The following TNR variants were observed in gnomAD, a reference collection of about 807,000 sequenced individuals.
The protein encoded by TNR is tenascin R, also known as tenascin-R.
In TNR, 45 loss-of-function variants were observed where a neutral mutation model predicts 150.4. That is an observed-to-expected ratio of 0.30 (90% CI 0.24 to 0.38). The LOEUF is 0.38. Among genes scored for constraint, TNR ranks in the 10% least tolerant of loss-of-function variants. The probability of loss-of-function intolerance (pLI) is 1.00; values close to 1 mark genes in which losing one functional copy is unlikely to be tolerated. For missense variants in TNR, 1,544 were observed against 1,759.1 expected (o/e 0.88, Z 2.19); for synonymous variants, 687 against 678.4 (o/e 1.01, Z -0.20).
chr1:175,474,483 G>A (rs986419841), intron 2 of TNR, among the ~76,000 whole-genome samples: 7 of 152,312 alleles, frequency 4.6e-5, no homozygotes, highest in African/African-American at 1.4e-4. Flanking sequence ...CCAGAACAGG[G>A]AGAAAAGACA....
intron 2 of TNR, among the ~76,000 whole-genome samples, chr1:175,436,040 A>T (rs1294912867): frequency 1.3e-5 from 2 of 152,174 alleles, no homozygotes. Flanking sequence ...TTTGTGGGTA[A>T]CCTGACCTTT....
chr1:175,538,516 T>G (rs533050834), intron 1 of TNR, among the ~76,000 whole-genome samples: 186 of 152,272 alleles, frequency 1.2e-3, no homozygotes, highest in Non-Finnish European at 1.7e-3. Context: ...AAATTAAAAT[T>G]CTATCTAAAA....
intron 10 of TNR, 148 bp from the exon 11 acceptor site, chr1:175,366,286 T>A: frequency 1.2e-6 from 1 of 846,206 alleles, no homozygotes; most frequent in Non-Finnish European, 1.7e-6. Context: ...AATATTTTGC[T>A]AAGTACCTTC....
intron 20 of TNR, chr1:175,333,474 G>T (rs1183213453): frequency 2.0e-5 from 3 of 152,090 alleles, no homozygotes; most frequent in Non-Finnish European, 2.9e-5. Flanking sequence ...TTTTCAATTT[G>T]TTTGACTTTT....
In TNR at chr1:175,674,932, T is replaced by C. The variant is rs543800401; in HGVS notation, c.-165+68294A>G. 2.9e-4 allele frequency among the ~76,000 whole-genome samples: 44 copies of C among 152,186 alleles called. No homozygotes were observed. In the South Asian group the frequency reaches 5.0e-3, roughly 17 times the overall value. ...TTACCCGCACAGCTAATTAAGAATG[T>C]GACTAATCTAATTTAGTGGGAGTGC... On this transcript the variant is annotated intron_variant, in intron 1 of 22. Transcript: ENST00000367674.
At chr1:175,660,187 TG>T (rs959611368) in intron 1 of TNR, among the ~76,000 whole-genome samples, 46 of 152,342 alleles carry the variant, frequency 3.0e-4, no homozygotes, top group African/African-American at 1.1e-3. Context: ...AAAGGCTGCA[TG>T]TGACATGAAT....
Position 175,406,495 on chromosome 1 carries a change from G to A in TNR, c.220C>T (p.Pro74Ser), listed in dbSNP as rs1557913651. The A allele has an allele frequency of 2.5e-6, 4 of 1,614,176 alleles. No individual in the cohort carries two copies. Among genetic ancestry groups the A allele is most frequent in the Non-Finnish European group, 3.4e-6 (4 of 1,180,048 alleles). The change falls in exon 3 of 23, where the codon CCC becomes TCC. Residue 74 changes from proline to serine, a missense_variant. Around this residue, in one of 2 missense-constraint regions of TNR, gnomAD observed 1,254 missense variants for 1,329.4 expected, o/e 0.94. Transcript: ENST00000367674. ...CCTGAGGAGCAGAGGTTGTCCAAGG[G>A]CACGTTAATGTTGTACACGTGGTTG... Reference protein sequence around the residue: ...VFNHVYNINVPLDNLCSSGLE... With the variant: ...VFNHVYNINVSLDNLCSSGLE...
intron 2 of TNR, among the ~76,000 whole-genome samples, chr1:175,507,468 C>T (rs562000342): frequency 1.1e-4 from 17 of 152,270 alleles, no homozygotes; most frequent in South Asian, 1.0e-3. Flanking sequence ...CATCACCTGA[C>T]GGAGTCCCAG....
At chr1:175,662,030 C>T (rs1665391766) in intron 1 of TNR, among the ~76,000 whole-genome samples, 1 of 152,070 alleles carries the variant, frequency 6.6e-6, no homozygotes, top group Non-Finnish European at 1.5e-5. Context: ...AAGAGCTTGG[C>T]CTCCTGACAC....
intron 2 of TNR, among the ~76,000 whole-genome samples, chr1:175,488,555 C>T (rs1658109652): frequency 6.6e-6 from 1 of 152,152 alleles, no homozygotes; most frequent in Admixed American, 6.5e-5. Context: ...CCTCAAAGGC[C>T]CTGCACAGTC....
At position 175,371,494 on chromosome 1, in the gene TNR, C is replaced by T. The variant is rs542081232; in HGVS notation, c.1964-4197G>A. Among the ~76,000 whole-genome samples the T allele has an allele frequency of 3.3e-5, 5 of 152,178 alleles. No individual in the cohort carries two copies. The South Asian group carries it at 6.2e-4, about 19-fold the overall frequency. On this transcript the variant is annotated intron_variant, in intron 9 of 22. Transcript: ENST00000367674. ...TTTTGGGGGTGAAAAGGAATCTGTGCTAAAAAAGTAAAATAATTATTTAGT... is the reference window on the plus strand; with the variant it reads ...TTTTGGGGGTGAAAAGGAATCTGTGTTAAAAAAGTAAAATAATTATTTAGT...
chr1:175,594,857 T>TAAAAAA (rs1174868287), intron 1 of TNR, among the ~76,000 whole-genome samples: 1 of 103,034 alleles, frequency 9.7e-6, no homozygotes, highest in Non-Finnish European at 2.1e-5. Context: ...ACCTTGTTTC[T>TAAAAAA]AAAAAAAAAA....
At chr1:175,726,712 TA>T (rs1488414205) in intron 1 of TNR, among the ~76,000 whole-genome samples, 1 of 152,160 alleles carries the variant, frequency 6.6e-6, no homozygotes, top group East Asian at 1.9e-4. Flanking sequence ...ATATAAAATA[TA>T]AAAGAAAAAT....
At chr1:175,462,059 G>T (rs1250586000) in intron 2 of TNR, among the ~76,000 whole-genome samples, 1 of 152,186 alleles carries the variant, frequency 6.6e-6, no homozygotes, top group South Asian at 2.1e-4. Context: ...GATCCTATTT[G>T]AAAGCACCTA....
At chr1:175,540,871 T>C (rs1178768086) in intron 1 of TNR, among the ~76,000 whole-genome samples, 1 of 152,000 alleles carries the variant, frequency 6.6e-6, no homozygotes, top group Non-Finnish European at 1.5e-5. Context: ...TCCATGTAAG[T>C]TATTTCTTCT....
intron 2 of TNR, among the ~76,000 whole-genome samples, chr1:175,418,156 A>G (rs546655408): frequency 2.0e-5 from 3 of 152,314 alleles, no homozygotes; most frequent in South Asian, 4.1e-4. Context: ...ATTGCATGCC[A>G]GGAACAGGAC....
chr1:175,568,081 A>T (rs1206992421), intron 1 of TNR, among the ~76,000 whole-genome samples: 1 of 152,228 alleles, frequency 6.6e-6, no homozygotes, highest in Non-Finnish European at 1.5e-5. Flanking sequence ...TGAAGGCAAC[A>T]TGAGCTCTTA....
intron 1 of TNR, among the ~76,000 whole-genome samples, chr1:175,541,738 G>A (rs147994508): frequency 0.012 from 1,774 of 152,246 alleles, 40 homozygotes; most frequent in African/African-American, 0.039. Flanking sequence ...CAGGTGTGGA[G>A]AAAAGCATGT....
intron 1 of TNR, among the ~76,000 whole-genome samples, chr1:175,563,136 A>T (rs1308595081): frequency 6.6e-6 from 1 of 152,208 alleles, no homozygotes. Flanking sequence ...CCTGAAATAC[A>T]TCTGACATGG....
Sources: allele counts gnomAD v4.1 joint callset (sites outside exome capture counted in the v4.1 genomes callset), GRCh38; gene constraint gnomAD v4.1.1; regional missense constraint gnomAD v4.1.1; transcripts MANE v1.5; gene names NCBI Gene and HGNC (gene_info 2026-07-23, HGNC 2026-07-21).